The following FANCC variants were observed in gnomAD, a reference collection of about 807,000 sequenced individuals.
FANCC encodes Fanconi anemia group C protein.
Under a neutral mutation model 71.3 loss-of-function variants are expected in FANCC, and 55 were observed. That is an observed-to-expected ratio of 0.77 (90% CI 0.62 to 0.97). FANCC has a LOEUF of 0.97. FANCC is among the 50% of genes least tolerant of loss of function. FANCC has a pLI of 0.00. For missense variants in FANCC, 678 were observed against 670.9 expected (o/e 1.01, Z -0.12); for synonymous variants, 275 against 244.9 (o/e 1.12, Z -1.15).
chr9:95,228,868 A>G (rs1028827712), intron 4 of FANCC, among the ~76,000 whole-genome samples: 8 of 152,222 alleles, frequency 5.3e-5, no homozygotes, highest in African/African-American at 1.9e-4. Context: ...TGGCTGAGAG[A>G]AGTGAGAATA....
At chr9:95,296,675 C>T (rs138844759) in intron 1 of FANCC, among the ~76,000 whole-genome samples, 141 of 152,252 alleles carry the variant, frequency 9.3e-4, no homozygotes, top group Middle Eastern at 3.4e-3. Context: ...GTTAGCCAAA[C>T]AAACACAGTC....
chr9:95,243,439 A>G (rs1048678839), intron 3 of FANCC, among the ~76,000 whole-genome samples: 3 of 152,124 alleles, frequency 2.0e-5, no homozygotes, highest in African/African-American at 7.2e-5. Flanking sequence ...TGAACACTAC[A>G]TATGACTTAC....
In FANCC at chr9:95,100,120, G is replaced by A. The variant is rs902235542; in HGVS notation, c.*1587C>T. 3.0e-5 allele frequency: 7 copies of A among 232,498 alleles called. No homozygotes were observed. The highest frequency in any genetic ancestry group is 5.9e-5 in the Non-Finnish European group (7 of 117,650). The allele number at this position is 232,498 out of a possible 1,614,324, so 14.4% of individuals were successfully genotyped here. ...GAGAGAGGCCCTCAACTCCAGTGAA[G>A]CATGCAGCTCCTTTTTCAACCCCAA... On this transcript the variant is annotated 3_prime_UTR_variant, in exon 15 of 15. Transcript: ENST00000289081.
chr9:95,108,138 C>T (rs1226586774), intron 13 of FANCC, among the ~76,000 whole-genome samples: 1 of 152,174 alleles, frequency 6.6e-6, no homozygotes, highest in South Asian at 2.1e-4. Flanking sequence ...TTGTGTGAGG[C>T]GTTTTTTTTC....
At chr9:95,224,738 G>A (rs187452523) in intron 4 of FANCC, among the ~76,000 whole-genome samples, 2 of 152,240 alleles carry the variant, frequency 1.3e-5, no homozygotes, top group Non-Finnish European at 2.9e-5. Context: ...ATAGGAATGA[G>A]GGTAAGTAAT....
intron 4 of FANCC, among the ~76,000 whole-genome samples, chr9:95,209,905 C>T (rs1021300883): frequency 3.3e-5 from 5 of 152,130 alleles, no homozygotes; most frequent in Non-Finnish European, 7.3e-5. Context: ...CAGACATATA[C>T]CCAGAGAAAC....
At chr9:95,263,533 T>TATAGATAGATAGATAGATAG (rs34461769) in intron 1 of FANCC, among the ~76,000 whole-genome samples, 3 of 147,284 alleles carry the variant, frequency 2.0e-5, no homozygotes, top group African/African-American at 5.0e-5. Flanking sequence ...TATATATAGA[T>TATAGATAGATAGATAGATAG]ATAGATAGAT....
intron 1 of FANCC, among the ~76,000 whole-genome samples, chr9:95,288,333 T>C (rs1833807793): frequency 6.6e-6 from 1 of 152,214 alleles, no homozygotes; most frequent in African/African-American, 2.4e-5. Flanking sequence ...GTTTGGCTAG[T>C]ATAATAACTA....
At position 95,101,066 on chromosome 9, in the gene FANCC, G is replaced by C; in HGVS notation, c.*641C>G. 8.5e-6 allele frequency: 2 copies of C among 235,068 alleles called. No homozygotes were observed. The highest frequency in any genetic ancestry group is 1.7e-5 in the Non-Finnish European group (2 of 119,212). The allele number at this position is 235,068 out of a possible 1,614,324, so 14.6% of individuals were successfully genotyped here. On this transcript the variant is annotated 3_prime_UTR_variant, in exon 15 of 15. Transcript: ENST00000289081. Reference sequence around the variant, plus strand: ...CCTGCCGGCTCCTCTGATGTCCCAAGGGCCTTTTGGTAGCAGTTAGCATCA... The same window carrying C: ...CCTGCCGGCTCCTCTGATGTCCCAACGGCCTTTTGGTAGCAGTTAGCATCA...
rs548932040 is a variant in FANCC, at chr9:95,100,595, T to C, written c.*1112A>G. The C allele has an allele frequency of 3.9e-5, 9 of 230,790 alleles. No individual in the cohort carries two copies. The highest frequency in any genetic ancestry group is 2.0e-4 in the African/African-American group (9 of 45,362). The allele number at this position is 230,790 out of a possible 1,614,324, so 14.3% of individuals were successfully genotyped here. A position where few individuals can be genotyped will look rare whatever the true frequency, so the allele number is the denominator to read the frequency against. On this transcript the variant is annotated 3_prime_UTR_variant, in exon 15 of 15. Transcript: ENST00000289081. ...GTCCCTGAAAGGAAAAAGCACCCTG[T>C]ACTGACATGAAATAAATGTTAACCT... is the stretch of plus-strand genomic sequence containing the variant.
At chr9:95,214,358 G>A (rs568916453) in intron 4 of FANCC, among the ~76,000 whole-genome samples, 1 of 152,256 alleles carries the variant, frequency 6.6e-6, no homozygotes, top group African/African-American at 2.4e-5. Context: ...GTTGAGCCCA[G>A]GAGTTTGAGA....
At chr9:95,119,981 G>A (rs1028948768) in intron 10 of FANCC, among the ~76,000 whole-genome samples, 3 of 127,358 alleles carry the variant, frequency 2.4e-5, no homozygotes, top group Non-Finnish European at 5.0e-5. Flanking sequence ...CCAACGAGCT[G>A]GGATTACAGG....
intron 1 of FANCC, chr9:95,293,130 G>T: frequency 1.2e-6 from 2 of 1,613,190 alleles, no homozygotes; most frequent in Non-Finnish European, 1.7e-6. Flanking sequence ...CAGAAATAAA[G>T]CTAGAACCAT....
At chr9:95,274,165 C>A (rs1005076631) in intron 1 of FANCC, among the ~76,000 whole-genome samples, 27 of 152,236 alleles carry the variant, frequency 1.8e-4, no homozygotes, top group African/African-American at 6.3e-4. Flanking sequence ...CTAATGATGT[C>A]CCTCCCCAAA....
rs536411945 is a variant in FANCC, at chr9:95,154,091, C to T, written c.522-4004G>A. Among the ~76,000 whole-genome samples the T allele has an allele frequency of 2.6e-5, 4 of 151,600 alleles. No homozygotes were observed. In the South Asian group the frequency reaches 8.4e-4, roughly 32 times the overall value. On this transcript the variant is annotated intron_variant, in intron 6 of 14. Transcript: ENST00000289081. ...TGAAACCCCATCTCTACTAAAAATA[C>T]AAAAATTAGCCAGGCATGGTGGTGG...
At chr9:95,240,312 C>A (rs1429967007) in intron 4 of FANCC, among the ~76,000 whole-genome samples, 1 of 152,148 alleles carries the variant, frequency 6.6e-6, no homozygotes, top group Non-Finnish European at 1.5e-5. Context: ...GAATTTAAAC[C>A]AGGTTGATAG....
At chr9:95,292,831 A>C (rs1187393959) in intron 1 of FANCC, 2 of 1,584,446 alleles carry the variant, frequency 1.3e-6, no homozygotes, top group African/African-American at 2.7e-5. Context: ...AAGAAGCACA[A>C]ATGTAGCAAG....
intron 6 of FANCC, among the ~76,000 whole-genome samples, chr9:95,155,171 C>T (rs1225108885): frequency 2.1e-5 from 3 of 143,054 alleles, no homozygotes; most frequent in Non-Finnish European, 3.0e-5. Flanking sequence ...CATGCCACTG[C>T]ACTCTGGCCT....
chr9:95,311,709 C>CTTTGTGTGTG lies in FANCC; in HGVS notation c.-79+5816_-79+5817insCACACACAAA, dbSNP rs147036059. ...ATTGTTTAAATAGTCTCCTCTGAAT[C>CTTTGTGTGTG]TGTGTGTGTGTGTGTGTGTGTGTGT... is the stretch of plus-strand genomic sequence containing the variant. On this transcript the variant is annotated intron_variant, in intron 1 of 14. Transcript: ENST00000289081. 3.0e-3 allele frequency among the ~76,000 whole-genome samples: 432 copies of CTTTGTGTGTG among 144,590 alleles called. 2 individuals carry two copies. The highest frequency in any genetic ancestry group is 9.6e-3 in the African/African-American group (377 of 39,070). The allele number at this position is 144,590 out of a possible 152,430, so 94.9% of individuals were successfully genotyped here. A position where few individuals can be genotyped will look rare whatever the true frequency, so the allele number is the denominator to read the frequency against.
Sources: gnomAD v4.1 joint callset for allele counts (sites outside exome capture counted in the v4.1 genomes callset) on GRCh38, gnomAD v4.1.1 for gene constraint, MANE v1.5 for transcripts, NCBI Gene and HGNC (gene_info 2026-07-23, HGNC 2026-07-21) for gene names.